CD2AP: variants seen among roughly 807,000 people sequenced by gnomAD.
CD2AP encodes CD2-associated protein.
A neutral mutation model predicts 85.1 loss-of-function variants in CD2AP; 46 were observed. The observed-to-expected ratio is 0.54, with a 90% CI of 0.43 to 0.69. The LOEUF is 0.69. CD2AP is among the 30% of genes least tolerant of loss of function. The pLI, the probability that CD2AP is intolerant of heterozygous loss-of-function variation, is 0.00. For missense variants in CD2AP, 769 were observed against 729.5 expected, an observed-to-expected ratio of 1.05 and a Z score of -0.62; for synonymous variants, 255 against 252.9, an observed-to-expected ratio of 1.01 and a Z score of -0.08.
chr6:47,489,541 A>G (rs528882367), intron 1 of CD2AP, among the ~76,000 whole-genome samples: 18 of 152,208 alleles, frequency 1.2e-4, no homozygotes, highest in African/African-American at 3.4e-4. Context: ...TTACATAGCA[A>G]CTTCCCATTT....
At chr6:47,494,459 A>T (rs554598153) in intron 1 of CD2AP, among the ~76,000 whole-genome samples, 3 of 152,320 alleles carry the variant, frequency 2.0e-5, no homozygotes, top group East Asian at 3.9e-4. Flanking sequence ...TAGTGGATCG[A>T]TGTCCTGGAG....
At chr6:47,533,851 A>G (rs1766957050) in intron 3 of CD2AP, 96 bp downstream of exon 3, 2 of 1,219,652 alleles carry the variant, frequency 1.6e-6, no homozygotes, top group Non-Finnish European at 2.3e-6. Context: ...AGTCTTTTGT[A>G]GACAACTACA....
chr6:47,587,125 C>T (rs1264818577), intron 11 of CD2AP, among the ~76,000 whole-genome samples: 1 of 152,236 alleles, frequency 6.6e-6, no homozygotes, highest in East Asian at 1.9e-4. Flanking sequence ...AAGTTCTACC[C>T]TTGTTCCCAT....
intron 1 of CD2AP, among the ~76,000 whole-genome samples, chr6:47,499,360 A>T (rs976617530): frequency 3.3e-5 from 5 of 152,084 alleles, no homozygotes; most frequent in Non-Finnish European, 7.4e-5. Flanking sequence ...ACATACATGT[A>T]TACATATATC....
rs540474373 is a variant in CD2AP, at chr6:47,484,532, A to G, written c.4+6284A>G. 3.3e-5 allele frequency among the ~76,000 whole-genome samples: 5 copies of G among 152,330 alleles called. No homozygotes were observed. In the East Asian group the frequency reaches 9.6e-4, roughly 29 times the overall value. On this transcript the variant is annotated intron_variant, in intron 1 of 17. Transcript: ENST00000359314. ...ATAAACAATGCTTTTAAAACAATTC[A>G]CTATTCTAAATTGATACTGGCTTAA...
chr6:47,586,778 T>G (rs940778934), intron 11 of CD2AP, among the ~76,000 whole-genome samples: 11 of 152,150 alleles, frequency 7.2e-5, no homozygotes, highest in Non-Finnish European at 1.5e-4. Flanking sequence ...TGAATAGATA[T>G]AGAAGACATT....
chr6:47,584,838 A>G (rs1029319054), intron 11 of CD2AP, among the ~76,000 whole-genome samples: 14 of 152,154 alleles, frequency 9.2e-5, no homozygotes, highest in African/African-American at 2.9e-4. Flanking sequence ...TGAAAAACTC[A>G]GCTTACCAAG....
At chr6:47,500,373 T>C (rs923904400) in intron 1 of CD2AP, among the ~76,000 whole-genome samples, 2 of 152,214 alleles carry the variant, frequency 1.3e-5, no homozygotes, top group Non-Finnish European at 2.9e-5. Context: ...ATTTCATTTA[T>C]AGCTCCCTTA....
At chr6:47,504,532 C>T (rs1472374486) in intron 2 of CD2AP, among the ~76,000 whole-genome samples, 1 of 152,146 alleles carries the variant, frequency 6.6e-6, no homozygotes, top group African/African-American at 2.4e-5. Context: ...CTCCCATATA[C>T]TTTAAATAGT....
chr6:47,552,980 G>T (rs762669222), intron 4 of CD2AP, among the ~76,000 whole-genome samples: 39 of 142,710 alleles, frequency 2.7e-4, no homozygotes, highest in Non-Finnish European at 5.4e-4. Flanking sequence ...ATTTCCTTTT[G>T]GGGGGGAGCA....
chr6:47,490,275 T>G (rs1279263449), intron 1 of CD2AP, among the ~76,000 whole-genome samples: 1 of 152,228 alleles, frequency 6.6e-6, no homozygotes, highest in East Asian at 1.9e-4. Context: ...TGAGCCACTA[T>G]GCCTGGCCTC....
chr6:47,586,228 A>G (rs1289833003), intron 11 of CD2AP, among the ~76,000 whole-genome samples: 1 of 152,232 alleles, frequency 6.6e-6, no homozygotes, highest in African/African-American at 2.4e-5. Context: ...AATATAAGAA[A>G]GACCCAAATT....
intron 11 of CD2AP, among the ~76,000 whole-genome samples, chr6:47,591,955 G>C (rs998374239): frequency 6.6e-6 from 1 of 152,054 alleles, no homozygotes; most frequent in Non-Finnish European, 1.5e-5. Context: ...CTCCAGAGTA[G>C]CTGGGACTAA....
At chr6:47,584,099 G>GT (rs1247888476) in intron 11 of CD2AP, among the ~76,000 whole-genome samples, 7 of 151,794 alleles carry the variant, frequency 4.6e-5, no homozygotes, top group African/African-American at 7.2e-5. Context: ...TTTTATTCAG[G>GT]TTTTTTTTCC....
intron 1 of CD2AP, among the ~76,000 whole-genome samples, chr6:47,480,517 G>A (rs1765415900): frequency 6.6e-6 from 1 of 152,176 alleles, no homozygotes; most frequent in Admixed American, 6.5e-5. Flanking sequence ...GAGACTACTT[G>A]AGGTCAAATT....
rs1022761951 is a variant in CD2AP at position 47,625,085 on chromosome 6, T to C, written c.*858T>C. On this transcript the variant is annotated 3_prime_UTR_variant, in exon 18 of 18. Coordinates refer to ENST00000359314, the MANE Select transcript of CD2AP (RefSeq NM_012120.3). The stretch of plus-strand genomic sequence containing the variant: ...TAGAAACTACAGCACATATAAAATA[T>C]GTAAACACCAGCCTGTTGCTGTACT... 3 of 151,924 alleles carry C rather than the reference T, an allele frequency of 2.0e-5. No individual in the cohort carries two copies. The highest frequency in any genetic ancestry group is 7.2e-5 in the African/African-American group (3 of 41,442). 9.4% of individuals were successfully genotyped at this position (151,924 alleles called of 1,614,324 possible).
intron 2 of CD2AP, among the ~76,000 whole-genome samples, chr6:47,509,956 A>T (rs1766271192): frequency 6.6e-6 from 1 of 152,246 alleles, no homozygotes; most frequent in South Asian, 2.1e-4. Context: ...ATGCTAATGT[A>T]TATTTCTACT....
intron 2 of CD2AP, among the ~76,000 whole-genome samples, chr6:47,508,603 TAGCAC>T (rs1172734617): frequency 1.4e-5 from 2 of 146,180 alleles, no homozygotes; most frequent in Admixed American, 1.4e-4. Context: ...TGGAGTGCAA[TAGCAC>T]GATTTTGGCT....
At chr6:47,558,581 A>T (rs905619637) in intron 5 of CD2AP, among the ~76,000 whole-genome samples, 14 of 152,342 alleles carry the variant, frequency 9.2e-5, no homozygotes, top group Middle Eastern at 3.4e-3. Flanking sequence ...TGAGATAATT[A>T]TGCAGTTTTT....
Sources: gnomAD v4.1 joint callset for allele counts (sites outside exome capture counted in the v4.1 genomes callset) on GRCh38, gnomAD v4.1.1 for gene constraint, MANE v1.5 for transcripts, NCBI Gene and HGNC (gene_info 2026-07-23, HGNC 2026-07-21) for gene names.